MAGI2: variants seen among roughly 807,000 people sequenced by gnomAD.
MAGI2 encodes membrane-associated guanylate kinase, WW and PDZ domain-containing protein 2.
A neutral mutation model predicts 133.3 loss-of-function variants in MAGI2; 35 were observed. That is an observed-to-expected ratio of 0.26 (90% CI 0.20 to 0.35). The LOEUF (loss-of-function observed/expected upper bound fraction) is 0.35. Ranked by LOEUF, MAGI2 falls within the 10% of genes least tolerant of loss-of-function variation. The probability of loss-of-function intolerance (pLI) is 1.00; values close to 1 mark genes in which losing one functional copy is unlikely to be tolerated. For missense variants in MAGI2, 1,636 were observed against 1,863.4 expected, an observed-to-expected ratio of 0.88 and a Z score of 2.25; for synonymous variants, 729 against 710.6, an observed-to-expected ratio of 1.03 and a Z score of -0.41.
chr7:78,853,147 C>T (rs532985540), intron 2 of MAGI2, among the ~76,000 whole-genome samples: 4 of 151,806 alleles, frequency 2.6e-5, no homozygotes, highest in South Asian at 2.1e-4. Flanking sequence ...CGATCAAGAA[C>T]GGGCCAGGCA....
chr7:79,386,970 G>A (rs1480558044), intron 1 of MAGI2, among the ~76,000 whole-genome samples: 1 of 148,352 alleles, frequency 6.7e-6, no homozygotes, highest in African/African-American at 2.5e-5. Flanking sequence ...GGCATCTCAG[G>A]ATGTGTGTAT....
chr7:78,178,011 A>C lies in MAGI2; in HGVS notation c.2403T>G (p.Pro801=), dbSNP rs139314697. The C allele has an allele frequency of 1.2e-6, 2 of 1,606,910 alleles. No individual in the cohort carries two copies. The highest frequency in any genetic ancestry group is 4.5e-5 in the East Asian group (2 of 44,820). Residue 801 remains proline (P), a splice_region_variant and synonymous_variant, in exon 14 of 22, where the codon CCT becomes CCG. Transcript: ENST00000354212. ...RILGGDEPGQ[P]ILIGAVIAMG... ...TGGAAATAAAGAAGATTCAACTTACAGGCTGTCCAGGCTCATCTCCCCCGA... is the reference window on the plus strand; with the variant it reads ...TGGAAATAAAGAAGATTCAACTTACCGGCTGTCCAGGCTCATCTCCCCCGA...
At chr7:78,725,850 A>T (rs950240649) in intron 2 of MAGI2, among the ~76,000 whole-genome samples, 3 of 146,578 alleles carry the variant, frequency 2.0e-5, no homozygotes, top group African/African-American at 7.8e-5. Flanking sequence ...TAAACTAGAC[A>T]CTCCCTAGTC....
intron 1 of MAGI2, among the ~76,000 whole-genome samples, chr7:79,031,714 G>A (rs1810593122): frequency 6.6e-6 from 1 of 152,108 alleles, no homozygotes; most frequent in Non-Finnish European, 1.5e-5. Flanking sequence ...GATGTAAAAT[G>A]TATATTTAGT....
intron 6 of MAGI2, among the ~76,000 whole-genome samples, chr7:78,399,664 GCA>G (rs1796669654): frequency 1.3e-5 from 2 of 151,980 alleles, no homozygotes; most frequent in Non-Finnish European, 2.9e-5. Flanking sequence ...AATTAGCTAG[GCA>G]TGGTGGCACA....
chr7:78,672,103 A>C (rs17441871), intron 2 of MAGI2, among the ~76,000 whole-genome samples: 12,647 of 152,214 alleles, frequency 0.083, 585 homozygotes, highest in East Asian at 0.11. Context: ...AAGGATCTTT[A>C]AAGAAGGTGA....
At chr7:78,705,450 A>G (rs755544914) in intron 2 of MAGI2, among the ~76,000 whole-genome samples, 27 of 152,166 alleles carry the variant, frequency 1.8e-4, no homozygotes, top group African/African-American at 2.7e-4. Flanking sequence ...TCTTTATAGC[A>G]GTGTGAAAAT....
intron 1 of MAGI2, among the ~76,000 whole-genome samples, chr7:79,130,576 G>A (rs1820843590): frequency 6.6e-6 from 1 of 152,150 alleles, no homozygotes; most frequent in African/African-American, 2.4e-5. Flanking sequence ...TGAGAGTCTA[G>A]TGTCTACTTC....
intron 6 of MAGI2, among the ~76,000 whole-genome samples, chr7:78,409,234 G>T (rs62468771): frequency 6.6e-6 from 1 of 151,826 alleles, no homozygotes; most frequent in Non-Finnish European, 1.5e-5. Flanking sequence ...CTTTTTTTAG[G>T]TGTTAAAATC....
chr7:78,910,942 C>A (rs1004098394), intron 2 of MAGI2, among the ~76,000 whole-genome samples: 4 of 152,166 alleles, frequency 2.6e-5, no homozygotes, highest in African/African-American at 9.7e-5. Flanking sequence ...GCACTCTTGA[C>A]CAATAATCTC....
At chr7:78,140,488 G>A (rs1373069224) in intron 16 of MAGI2, among the ~76,000 whole-genome samples, 3 of 152,306 alleles carry the variant, frequency 2.0e-5, no homozygotes, top group South Asian at 2.1e-4. Flanking sequence ...AAATGAGTGT[G>A]AGAAAAATAA....
chr7:78,336,760 A>C (rs1238074229), intron 9 of MAGI2, among the ~76,000 whole-genome samples: 3 of 152,038 alleles, frequency 2.0e-5, no homozygotes, highest in African/African-American at 7.2e-5. Context: ...AAGAGAGAAG[A>C]AAGAAGCAAG....
intron 2 of MAGI2, among the ~76,000 whole-genome samples, chr7:78,956,374 A>G (rs533572780): frequency 2.7e-4 from 41 of 152,284 alleles, no homozygotes; most frequent in African/African-American, 9.1e-4. Flanking sequence ...TCTAAAGGGC[A>G]TTATAGTCTC....
chr7:78,685,682 A>G (rs568997378), intron 2 of MAGI2, among the ~76,000 whole-genome samples: 14 of 152,026 alleles, frequency 9.2e-5, no homozygotes, highest in Non-Finnish European at 1.6e-4. Context: ...ATAGGTTAGC[A>G]CATAGTATGT....
rs141564511 is a variant in MAGI2 at position 78,528,627 on chromosome 7, A to G, written c.539-6982T>C. Among the ~76,000 whole-genome samples the G allele has an allele frequency of 4.5e-3, 688 of 152,342 alleles. 3 individuals carry two copies. Among genetic ancestry groups the G allele is most frequent in the Non-Finnish European group, 7.6e-3 (520 of 68,026 alleles). On this transcript the variant is annotated intron_variant, in intron 3 of 21. Transcript: ENST00000354212. ...ACTGGATTTTCTACCAGAAAATAAG[A>G]CAGAAATTCTTACTGCAGAATTCTT... is the stretch of plus-strand genomic sequence containing the variant.
chr7:78,266,602 G>A (rs754734325), intron 9 of MAGI2, among the ~76,000 whole-genome samples: 7 of 150,540 alleles, frequency 4.6e-5, no homozygotes, highest in Non-Finnish European at 1.0e-4. Context: ...TTTTGAGACA[G>A]AGTCTTGCTC....
At chr7:78,486,753 C>T (rs1389297413) in intron 6 of MAGI2, 1 of 421,578 alleles carries the variant, frequency 2.4e-6, no homozygotes, top group African/African-American at 2.0e-5. Flanking sequence ...TCCATGGCCT[C>T]CTGCAATGTG....
chr7:79,086,859 T>C (rs978345076), intron 1 of MAGI2, among the ~76,000 whole-genome samples: 1 of 151,862 alleles, frequency 6.6e-6, no homozygotes, highest in Non-Finnish European at 1.5e-5. Flanking sequence ...TGCTGCTAGA[T>C]AAGGGGAAGG....
intron 20 of MAGI2, among the ~76,000 whole-genome samples, chr7:78,089,413 G>C (rs115057961): frequency 7.9e-5 from 12 of 152,156 alleles, no homozygotes; most frequent in African/African-American, 2.7e-4. Context: ...GCACTGGGGT[G>C]GGGTAGGTGT....
Sources: allele counts gnomAD v4.1 joint callset (sites outside exome capture counted in the v4.1 genomes callset), GRCh38; gene constraint gnomAD v4.1.1; transcripts MANE v1.5; gene names NCBI Gene and HGNC (gene_info 2026-07-23, HGNC 2026-07-21).